The following ZCCHC7 variants were observed in gnomAD, a reference collection of about 807,000 sequenced individuals.
The protein encoded by ZCCHC7 is zinc finger CCHC domain-containing protein 7.
In ZCCHC7, 35 loss-of-function variants were observed where a neutral mutation model predicts 52.0. The ratio of observed to expected loss-of-function variants is 0.67; its 90% CI spans 0.51 to 0.89. ZCCHC7 has a LOEUF of 0.89. ZCCHC7 is among the 40% of genes least tolerant of loss of function. The pLI, the probability that ZCCHC7 is intolerant of heterozygous loss-of-function variation, is 0.00. For missense variants in ZCCHC7, 574 were observed against 649.1 expected, an observed-to-expected ratio of 0.88 and a Z score of 1.26; for synonymous variants, 217 against 221.5, an observed-to-expected ratio of 0.98 and a Z score of 0.18.
chr9:37,256,487 C>T (rs1022216678), intron 2 of ZCCHC7, among the ~76,000 whole-genome samples: 1 of 152,084 alleles, frequency 6.6e-6, no homozygotes, highest in African/African-American at 2.4e-5. Flanking sequence ...TACATGAAAC[C>T]TTACTAATAA....
chr9:37,313,394 G>A (rs1361872277), intron 5 of ZCCHC7, among the ~76,000 whole-genome samples: 1 of 152,166 alleles, frequency 6.6e-6, no homozygotes, highest in Admixed American at 6.5e-5. Context: ...CATGTTCATT[G>A]TTCAGGGAGT....
rs191190833 is a variant in ZCCHC7 at position 37,267,571 on chromosome 9, T to C, written c.611-34617T>C. Among the ~76,000 whole-genome samples the C allele has an allele frequency of 3.6e-3, 521 of 143,232 alleles. 2 individuals carry two copies. The highest frequency in any genetic ancestry group is 4.8e-3 in the Admixed American group (69 of 14,526). The allele number at this position is 143,232 out of a possible 152,430, so 94.0% of individuals were successfully genotyped here. A position where few individuals can be genotyped will look rare whatever the true frequency, so the allele number is the denominator to read the frequency against. ...CCATGCACGGCTAATTTTTTCTTTT[T>C]TTTTTTTTTTTTTTTTGAGACAGAG... is the stretch of plus-strand genomic sequence containing the variant. On this transcript the variant is annotated intron_variant, in intron 2 of 8. Transcript: ENST00000336755.
intron 2 of ZCCHC7, among the ~76,000 whole-genome samples, chr9:37,138,492 C>G (rs1451041898): frequency 2.0e-5 from 3 of 152,052 alleles, no homozygotes; most frequent in African/African-American, 7.2e-5. Context: ...TTACAGTTTT[C>G]TTTTCAACAA....
At chr9:37,120,446 C>T (rs1315841305), upstream of ZCCHC7, 1 of 397,014 alleles carries the variant, frequency 2.5e-6, no homozygotes, top group East Asian at 3.6e-5. Flanking sequence ...ATGCGCACAT[C>T]AGGCGCGGCA....
chr9:37,222,161 C>T (rs1824847336), intron 2 of ZCCHC7, among the ~76,000 whole-genome samples: 1 of 151,254 alleles, frequency 6.6e-6, no homozygotes, highest in Non-Finnish European at 1.5e-5. Context: ...TATGGCTTGA[C>T]ATAATGATCT....
chr9:37,168,898 G>A (rs62535710), intron 2 of ZCCHC7, among the ~76,000 whole-genome samples: 7,302 of 152,206 alleles, frequency 0.048, 258 homozygotes, highest in Non-Finnish European at 0.071. Flanking sequence ...AGTCACAGCC[G>A]TAATGACAGA....
At chr9:37,155,479 TTTAA>T (rs1420110449) in intron 2 of ZCCHC7, among the ~76,000 whole-genome samples, 2 of 152,366 alleles carry the variant, frequency 1.3e-5, no homozygotes, top group African/African-American at 4.8e-5. Flanking sequence ...ACAATAATTT[TTTAA>T]TTAAATATAT....
At chr9:37,250,332 T>C (rs1427692243) in intron 2 of ZCCHC7, among the ~76,000 whole-genome samples, 1 of 151,332 alleles carries the variant, frequency 6.6e-6, no homozygotes. Context: ...ATGGAGTTTT[T>C]GCTCTGTTGT....
At chr9:37,193,490 T>TA (rs1476995764) in intron 2 of ZCCHC7, among the ~76,000 whole-genome samples, 2 of 152,188 alleles carry the variant, frequency 1.3e-5, no homozygotes, top group East Asian at 3.8e-4. Flanking sequence ...ATATTTTGTA[T>TA]AAAACATTCT....
At chr9:37,135,488 A>G (rs1842959009) in intron 2 of ZCCHC7, among the ~76,000 whole-genome samples, 1 of 152,238 alleles carries the variant, frequency 6.6e-6, no homozygotes, top group African/African-American at 2.4e-5. Flanking sequence ...TGAAGAAACC[A>G]TATTAGTTCC....
chr9:37,121,105 ATGTAAAACGAGTAGAC>A (rs1842296819), intron 1 of ZCCHC7, among the ~76,000 whole-genome samples: 1 of 148,598 alleles, frequency 6.7e-6, no homozygotes, highest in African/African-American at 2.4e-5. Context: ...CCCTTTCCTC[ATGTAAAACGAGTAGAC>A]TTGGACTGTG....
intron 2 of ZCCHC7, among the ~76,000 whole-genome samples, chr9:37,177,020 G>T (rs1822072122): frequency 6.6e-6 from 1 of 152,156 alleles, no homozygotes; most frequent in Non-Finnish European, 1.5e-5. Flanking sequence ...ACAGAAAGTT[G>T]AGAGCTTCTT....
At chr9:37,195,454 A>G (rs1201931904) in intron 2 of ZCCHC7, among the ~76,000 whole-genome samples, 2 of 152,164 alleles carry the variant, frequency 1.3e-5, no homozygotes, top group African/African-American at 4.8e-5. Flanking sequence ...GCTGCTCATT[A>G]GCAATGTTTG....
At chr9:37,239,400 G>A (rs1333751173) in intron 2 of ZCCHC7, among the ~76,000 whole-genome samples, 1 of 152,056 alleles carries the variant, frequency 6.6e-6, no homozygotes, top group Non-Finnish European at 1.5e-5. Context: ...ATGTTGCTTT[G>A]TTGGCTTGTT....
chr9:37,130,684 G>GA (rs1842745140), intron 2 of ZCCHC7, among the ~76,000 whole-genome samples: 1 of 151,166 alleles, frequency 6.6e-6, no homozygotes, highest in Non-Finnish European at 1.5e-5. Flanking sequence ...TTTTAGTAGA[G>GA]ACGGGGTTTC....
chr9:37,206,423 T>A (rs1823920103), intron 2 of ZCCHC7, among the ~76,000 whole-genome samples: 1 of 151,832 alleles, frequency 6.6e-6, no homozygotes, highest in African/African-American at 2.4e-5. Context: ...GGTGGCGCGA[T>A]CTTGGCTCAG....
At chr9:37,301,237 A>C (rs1482515100) in intron 2 of ZCCHC7, among the ~76,000 whole-genome samples, 1 of 152,328 alleles carries the variant, frequency 6.6e-6, no homozygotes, top group African/African-American at 2.4e-5. Context: ...AGAAAAGATA[A>C]GGTTTATTCA....
chr9:37,331,897 G>C (rs1420876003), intron 6 of ZCCHC7, among the ~76,000 whole-genome samples: 4 of 151,258 alleles, frequency 2.6e-5, no homozygotes, highest in African/African-American at 9.7e-5. Flanking sequence ...AAATAGAACT[G>C]GTTACATACT....
chr9:37,330,504 A>G (rs1830411520), intron 6 of ZCCHC7, among the ~76,000 whole-genome samples: 1 of 151,564 alleles, frequency 6.6e-6, no homozygotes, highest in Non-Finnish European at 1.5e-5. Flanking sequence ...TGATTCTATA[A>G]TTATATAATT....
Sources: gnomAD v4.1 joint callset for allele counts (sites outside exome capture counted in the v4.1 genomes callset) on GRCh38, gnomAD v4.1.1 for gene constraint, MANE v1.5 for transcripts, NCBI Gene and HGNC (gene_info 2026-07-23, HGNC 2026-07-21) for gene names.